Variants in MAP1LC3B2 observed in about 807,000 individuals in gnomAD.
MAP1LC3B2 encodes microtubule associated protein 1 light chain 3 beta 2, also known as microtubule-associated protein 1 light chain 3 beta 2.
For synonymous variants in MAP1LC3B2, 62 were observed against 57.8 expected (o/e 1.07, Z -0.33); for missense variants, 155 against 154.6 (o/e 1.00, Z -0.01).
intron 1 of MAP1LC3B2, among the ~76,000 whole-genome samples, chr12:116,569,105 G>A (rs2047953): frequency 0.52 from 78,180 of 151,612 alleles, 20,505 homozygotes; most frequent in Admixed American, 0.62. Flanking sequence ...CTCATGATCC[G>A]CCCACCTCGG....
intron 1 of MAP1LC3B2, among the ~76,000 whole-genome samples, chr12:116,571,844 G>C (rs1199238832): frequency 4.0e-5 from 6 of 151,478 alleles, no homozygotes; most frequent in Admixed American, 3.3e-4. Context: ...AAAGACCTAG[G>C]AGAGAAACAA....
intron 1 of MAP1LC3B2, among the ~76,000 whole-genome samples, chr12:116,569,152 G>A (rs1050903728): frequency 1.2e-4 from 18 of 151,966 alleles, no homozygotes; most frequent in African/African-American, 2.2e-4. Flanking sequence ...GTGAACTACC[G>A]CGCCCGGCCA....
chr12:116,575,904 C>G lies in MAP1LC3B2; in HGVS notation c.-39C>G. 6.2e-7 allele frequency: 1 copy of G among 1,613,120 alleles called. No individual in the cohort carries two copies. The highest frequency in any genetic ancestry group is 8.5e-7 in the Non-Finnish European group (1 of 1,179,388). ...CCGCCACCCCCAGGAGCCGCCGGGA[C>G]CCTCGCGTCGTCGCCGCCGCGGCCC... is the stretch of plus-strand genomic sequence containing the variant. On this transcript the variant is annotated 5_prime_UTR_variant, in exon 2 of 2. Transcript: ENST00000556529.
intron 1 of MAP1LC3B2, among the ~76,000 whole-genome samples, chr12:116,573,314 A>G (rs532685780): frequency 6.6e-6 from 1 of 152,300 alleles, no homozygotes; most frequent in South Asian, 2.1e-4. Context: ...ACTGCTTTAA[A>G]CAGAGCTCCA....
At position 116,576,315 on chromosome 12, in the gene MAP1LC3B2, G is replaced by A. The variant is rs1191935376; in HGVS notation, c.373G>A (p.Val125Met). The A allele has an allele frequency of 5.6e-6, 9 of 1,609,964 alleles. No homozygotes were observed. The highest frequency in any genetic ancestry group is 7.6e-6 in the Non-Finnish European group (9 of 1,178,994). Residue 125 changes from valine to methionine, a missense_variant, in exon 2 of 2, where the codon GTG (valine) becomes ATG (methionine). By Grantham distance (21) the Val-to-Met change is conservative. Coordinates refer to ENST00000556529, the MANE Select transcript of MAP1LC3B2 (RefSeq NM_001085481.3). ...GGAGACGTTCGGGATGAAATTGTCA[G>A]TGTAAAACCAGAAAAAATGCATCTC... The part of the protein sequence containing the change: ...SQETFGMKLS[V>M]
chr12:116,571,382 A>ACCTAG (rs1869526198), intron 1 of MAP1LC3B2, among the ~76,000 whole-genome samples: 1 of 147,888 alleles, frequency 6.8e-6, no homozygotes, highest in East Asian at 2.1e-4. Flanking sequence ...TCAAAATGTG[A>ACCTAG]CCTAGGTCCA....
At chr12:116,572,422 C>T (rs750068616) in intron 1 of MAP1LC3B2, among the ~76,000 whole-genome samples, 4 of 148,066 alleles carry the variant, frequency 2.7e-5, no homozygotes, top group Non-Finnish European at 5.9e-5. Context: ...TGGAGTGCGG[C>T]GGCGTGATCT....
intron 1 of MAP1LC3B2, among the ~76,000 whole-genome samples, chr12:116,572,240 AT>A (rs1473083032): frequency 6.6e-6 from 1 of 152,166 alleles, no homozygotes; most frequent in African/African-American, 2.4e-5. Flanking sequence ...TTGTTTTGGT[AT>A]TGCATATGAA....
At chr12:116,562,877 T>G (rs1161321196) in intron 1 of MAP1LC3B2, among the ~76,000 whole-genome samples, 1 of 152,268 alleles carries the variant, frequency 6.6e-6, no homozygotes, top group Non-Finnish European at 1.5e-5. Flanking sequence ...CTCACTTATT[T>G]ATGATTTCTG....
At chr12:116,569,832 G>A (rs963126314) in intron 1 of MAP1LC3B2, among the ~76,000 whole-genome samples, 4 of 152,140 alleles carry the variant, frequency 2.6e-5, no homozygotes, top group Non-Finnish European at 4.4e-5. Context: ...TAGGTGGGCA[G>A]ATCACAAGGT....
At chr12:116,562,897 A>G (rs1869306619) in intron 1 of MAP1LC3B2, among the ~76,000 whole-genome samples, 1 of 152,186 alleles carries the variant, frequency 6.6e-6, no homozygotes, top group African/African-American at 2.4e-5. Context: ...GGCATTCTTC[A>G]TTTCTTAAAT....
chr12:116,561,016 C>T (rs1460419261), intron 1 of MAP1LC3B2, among the ~76,000 whole-genome samples: 1 of 151,970 alleles, frequency 6.6e-6, no homozygotes, highest in Non-Finnish European at 1.5e-5. Context: ...ACTTGGGAGG[C>T]TGAGACACAA....
intron 1 of MAP1LC3B2, among the ~76,000 whole-genome samples, chr12:116,564,054 T>TGTAGATA (rs1869332400): frequency 6.6e-6 from 1 of 152,146 alleles, no homozygotes; most frequent in African/African-American, 2.4e-5. Context: ...AAATTTTTAT[T>TGTAGATA]TTAGATATTG....
At chr12:116,572,087 C>T (rs1286504267) in intron 1 of MAP1LC3B2, among the ~76,000 whole-genome samples, 1 of 151,916 alleles carries the variant, frequency 6.6e-6, no homozygotes, top group African/African-American at 2.4e-5. Flanking sequence ...AAAAAGAGTC[C>T]TCTCTATAGA....
intron 1 of MAP1LC3B2, among the ~76,000 whole-genome samples, chr12:116,574,405 C>A (rs765887932): frequency 1.3e-5 from 2 of 152,044 alleles, no homozygotes; most frequent in Non-Finnish European, 2.9e-5. Context: ...CATAAGGAGG[C>A]CGAGGTGGGC....
intron 1 of MAP1LC3B2, among the ~76,000 whole-genome samples, chr12:116,574,044 G>A (rs1869609065): frequency 6.6e-6 from 1 of 152,166 alleles, no homozygotes; most frequent in African/African-American, 2.4e-5. Context: ...TCGTGAGGGT[G>A]TAAGAAATCC....
chr12:116,560,158 G>A (rs1169571123), intron 1 of MAP1LC3B2: 2 of 136,604 alleles, frequency 1.5e-5, no homozygotes, highest in East Asian at 2.2e-4. Context: ...CCCAGGCCCA[G>A]CAACGGCTCT....
At chr12:116,567,973 T>C (rs1869435219) in intron 1 of MAP1LC3B2, among the ~76,000 whole-genome samples, 1 of 152,170 alleles carries the variant, frequency 6.6e-6, no homozygotes, top group Non-Finnish European at 1.5e-5. Flanking sequence ...GTGTTTCAGA[T>C]GCCCAGCACA....
At chr12:116,571,458 C>CTTTT (rs71095564) in intron 1 of MAP1LC3B2, among the ~76,000 whole-genome samples, 485 of 48,106 alleles carry the variant, frequency 0.01, 142 homozygotes, top group East Asian at 0.035. Context: ...GACTGCTGTT[C>CTTTT]TTTTTTTTTT....
Sources: gnomAD v4.1 joint callset for allele counts (sites outside exome capture counted in the v4.1 genomes callset) on GRCh38, gnomAD v4.1.1 for gene constraint, MANE v1.5 for transcripts, NCBI Gene and HGNC (gene_info 2026-07-23, HGNC 2026-07-21) for gene names.